LRMDA: variants seen among roughly 807,000 people sequenced by gnomAD.
The protein encoded by LRMDA is leucine-rich melanocyte differentiation-associated protein.
A neutral mutation model predicts 29.8 loss-of-function variants in LRMDA; 18 were observed. The ratio of observed to expected loss-of-function variants is 0.60; its 90% CI spans 0.42 to 0.90. LRMDA has a LOEUF of 0.90. LRMDA is among the 40% of genes least tolerant of loss of function. The pLI, the probability that LRMDA is intolerant of heterozygous loss-of-function variation, is 0.00. For missense variants in LRMDA, 273 were observed against 273.9 expected, an observed-to-expected ratio of 1.00 and a Z score of 0.02; for synonymous variants, 125 against 109.4, an observed-to-expected ratio of 1.14 and a Z score of -0.89.
intron 5 of LRMDA, among the ~76,000 whole-genome samples, chr10:76,284,055 C>T (rs1228441302): frequency 6.6e-6 from 1 of 152,140 alleles, no homozygotes; most frequent in African/African-American, 2.4e-5. Flanking sequence ...TTCAAGAGCT[C>T]AGGTCATTTC....
intron 2 of LRMDA, among the ~76,000 whole-genome samples, chr10:75,457,648 G>A (rs1405718347): frequency 6.6e-6 from 1 of 152,192 alleles, no homozygotes; most frequent in African/African-American, 2.4e-5. Context: ...ATTAGGTTAA[G>A]TTTTATTGTC....
intron 2 of LRMDA, among the ~76,000 whole-genome samples, chr10:75,815,894 C>T (rs1844050321): frequency 6.6e-6 from 1 of 152,206 alleles, no homozygotes; most frequent in Non-Finnish European, 1.5e-5. Flanking sequence ...GCTGTTATCA[C>T]CATTTTGCAG....
intron 6 of LRMDA, among the ~76,000 whole-genome samples, chr10:76,503,472 GT>G (rs143968618): frequency 2.8e-4 from 42 of 147,682 alleles, no homozygotes; most frequent in African/African-American, 9.4e-4. Context: ...TTGATTGGTA[GT>G]TTTTTTTTTT....
chr10:76,132,358 A>G (rs1220083663), intron 5 of LRMDA, among the ~76,000 whole-genome samples: 1 of 152,130 alleles, frequency 6.6e-6, no homozygotes, highest in Non-Finnish European at 1.5e-5. Context: ...ATTAGGATCG[A>G]GTCTTCTTAG....
intron 5 of LRMDA, among the ~76,000 whole-genome samples, chr10:76,115,469 T>G (rs545847488): frequency 6.6e-6 from 1 of 152,192 alleles, no homozygotes; most frequent in Non-Finnish European, 1.5e-5. Context: ...ACACTTTAGG[T>G]CACCCTGCCA....
intron 2 of LRMDA, chr10:75,451,508 T>C (rs1844459695): frequency 6.6e-6 from 1 of 152,090 alleles, no homozygotes; most frequent in South Asian, 2.1e-4. Flanking sequence ...TTACGACAAA[T>C]ACAGTGCAGA....
At chr10:75,869,965 T>TA (rs1845081210) in intron 2 of LRMDA, among the ~76,000 whole-genome samples, 2 of 152,206 alleles carry the variant, frequency 1.3e-5, no homozygotes, top group South Asian at 4.1e-4. Flanking sequence ...AACTGTCCCT[T>TA]ACACTATTGT....
In LRMDA at chr10:75,604,164, G is replaced by A. The variant is rs537978639; in HGVS notation, c.131+165670G>A. On this transcript the variant is annotated intron_variant, in intron 2 of 6. Transcript: ENST00000611255. The stretch of plus-strand genomic sequence containing the variant: ...CATTCTTTTTTTTTGTTTGCAATTT[G>A]GATTTTATAAGATCAAGCCCATTTC... Among the ~76,000 whole-genome samples the A allele has an allele frequency of 3.3e-5, 5 of 151,840 alleles. No homozygotes were observed. The East Asian group carries it at 9.7e-4, about 29-fold the overall frequency.
In LRMDA at chr10:75,436,056, TAAA is replaced by T. The variant is rs201038266; in HGVS notation, c.31-2322_31-2320del. Among the ~76,000 whole-genome samples the T allele has an allele frequency of 9.4e-3, 1,189 of 126,988 alleles. 5 individuals are homozygous for T. Among genetic ancestry groups the T allele is most frequent in the Middle Eastern group, 0.02 (5 of 246 alleles). The allele number at this position is 126,988 out of a possible 152,430, so 83.3% of individuals were successfully genotyped here. A position where few individuals can be genotyped will look rare whatever the true frequency, so the allele number is the denominator to read the frequency against. ...GCAACACAGTGAAACCCCATCTCTT[TAAA>T]AAAAAAAAAAAAAAAGAGAGAGAGA... On this transcript the variant is annotated intron_variant, in intron 1 of 6. Coordinates refer to ENST00000611255, the MANE Select transcript of LRMDA (RefSeq NM_001305581.2).
chr10:75,706,327 G>T (rs1197142091), intron 2 of LRMDA, among the ~76,000 whole-genome samples: 1 of 151,710 alleles, frequency 6.6e-6, no homozygotes, highest in Non-Finnish European at 1.5e-5. Context: ...ATTTCCTTAG[G>T]AATATAATCC....
intron 2 of LRMDA, among the ~76,000 whole-genome samples, chr10:75,500,734 C>T (rs900999411): frequency 2.6e-5 from 4 of 151,956 alleles, no homozygotes; most frequent in Admixed American, 2.6e-4. Context: ...AGAGAGTGTA[C>T]GAAGGGGGAA....
chr10:76,142,697 T>G (rs1450198025), intron 5 of LRMDA, among the ~76,000 whole-genome samples: 10 of 148,708 alleles, frequency 6.7e-5, no homozygotes, highest in Non-Finnish European at 2.9e-5. Flanking sequence ...TTATTATTAT[T>G]ATTATTATTA....
rs758849826 is a variant in LRMDA, at chr10:75,849,782, AAGT to A, written c.132-186222_132-186220del. On this transcript the variant is annotated intron_variant, in intron 2 of 6. Coordinates refer to ENST00000611255, the MANE Select transcript of LRMDA (RefSeq NM_001305581.2). Reference sequence around the variant, plus strand: ...TAAAATAAAAATTTAAAAAAGCCCTAAGTAGTTCTGTTGAAAAAACCATTTACT... The same window carrying A: ...TAAAATAAAAATTTAAAAAAGCCCTAAGTTCTGTTGAAAAAACCATTTACT... Among the ~76,000 whole-genome samples, 74 of 152,348 alleles carry A rather than the reference AAGT, an allele frequency of 4.9e-4. No homozygotes were observed. The Middle Eastern group carries it at 0.014, about 28-fold the overall frequency.
chr10:76,124,523 A>T (rs548893139), intron 5 of LRMDA, among the ~76,000 whole-genome samples: 73 of 152,374 alleles, frequency 4.8e-4, no homozygotes, highest in African/African-American at 1.7e-3. Flanking sequence ...GTATGTTCTT[A>T]TCAAATCAAA....
At chr10:75,866,767 G>A (rs1162466425) in intron 2 of LRMDA, among the ~76,000 whole-genome samples, 1 of 152,168 alleles carries the variant, frequency 6.6e-6, no homozygotes, top group Non-Finnish European at 1.5e-5. Flanking sequence ...TTAATCCTGT[G>A]TACTGCAGCT....
At chr10:76,146,212 TG>T (rs1850315527) in intron 5 of LRMDA, among the ~76,000 whole-genome samples, 1 of 152,144 alleles carries the variant, frequency 6.6e-6, no homozygotes, top group Admixed American at 6.5e-5. Flanking sequence ...TAGGTCCACT[TG>T]GTGCAGAGCT....
chr10:75,470,821 A>G (rs1330010219), intron 2 of LRMDA, among the ~76,000 whole-genome samples: 1 of 152,152 alleles, frequency 6.6e-6, no homozygotes, highest in Non-Finnish European at 1.5e-5. Context: ...TTCCTAGGTG[A>G]TGGTGAAGAT....
chr10:75,946,061 ACAT>A (rs940962947), intron 2 of LRMDA, among the ~76,000 whole-genome samples: 7 of 152,196 alleles, frequency 4.6e-5, no homozygotes, highest in East Asian at 3.9e-4. Context: ...CCCATGGGAG[ACAT>A]CAGAGAATAA....
chr10:75,923,908 A>G (rs1846071420), intron 2 of LRMDA, among the ~76,000 whole-genome samples: 1 of 152,168 alleles, frequency 6.6e-6, no homozygotes, highest in South Asian at 2.1e-4. Context: ...AACACACCAA[A>G]GTGATTTAAT....
Sources: gnomAD v4.1 joint callset for allele counts (sites outside exome capture counted in the v4.1 genomes callset) on GRCh38, gnomAD v4.1.1 for gene constraint, MANE v1.5 for transcripts, NCBI Gene and HGNC (gene_info 2026-07-23, HGNC 2026-07-21) for gene names.